Variants in TMPRSS11A observed in about 807,000 individuals in gnomAD.
TMPRSS11A encodes transmembrane serine protease 11A.
TMPRSS11A carries 53 observed loss-of-function variants against 58.9 expected under a neutral mutation model. The observed-to-expected ratio is 0.90, with a 90% CI of 0.72 to 1.13. TMPRSS11A has a LOEUF of 1.13. TMPRSS11A is among the 50% of genes most tolerant of loss of function. TMPRSS11A has a pLI of 0.00. For synonymous variants in TMPRSS11A, 167 were observed against 169.8 expected (o/e 0.98, Z 0.13); for missense variants, 493 against 499.3 (o/e 0.99, Z 0.12).
intron 5 of TMPRSS11A, among the ~76,000 whole-genome samples, chr4:67,926,032 C>T (rs1001278666): frequency 6.6e-6 from 1 of 152,190 alleles, no homozygotes; most frequent in Non-Finnish European, 1.5e-5. Flanking sequence ...CCTCCTAACA[C>T]GGTTCTGAGT....
intron 3 of TMPRSS11A, 53 bp from the exon 4 acceptor site, chr4:67,932,113 A>G: frequency 9.8e-7 from 1 of 1,020,392 alleles, no homozygotes; most frequent in Non-Finnish European, 1.5e-6. Context: ...TTATAATAGG[A>G]ATATATCCTT....
intron 1 of TMPRSS11A, among the ~76,000 whole-genome samples, chr4:67,954,247 G>C (rs1484816545): frequency 1.3e-5 from 2 of 152,226 alleles, no homozygotes; most frequent in Non-Finnish European, 2.9e-5. Flanking sequence ...AGGAGATTGA[G>C]GCTGAAGGGG....
chr4:67,954,849 A>G (rs903709852), intron 1 of TMPRSS11A, among the ~76,000 whole-genome samples: 2 of 152,184 alleles, frequency 1.3e-5, no homozygotes, highest in African/African-American at 4.8e-5. Flanking sequence ...CCATTTGTAA[A>G]ATGCAAATAA....
At chr4:67,919,737 T>C (rs1325655308) in intron 7 of TMPRSS11A, among the ~76,000 whole-genome samples, 3 of 152,114 alleles carry the variant, frequency 2.0e-5, no homozygotes, top group African/African-American at 7.2e-5. Context: ...TGATAACGCA[T>C]TTGGGCTAAG....
chr4:67,920,913 G>T (rs1720308564), intron 7 of TMPRSS11A, among the ~76,000 whole-genome samples: 1 of 152,096 alleles, frequency 6.6e-6, no homozygotes, highest in Admixed American at 6.6e-5. Flanking sequence ...CCCTTTGCAG[G>T]GACATGGATA....
rs1719922358 is a variant in TMPRSS11A, at chr4:67,909,888, G to T, written c.*1454C>A. ...TCTATGAGTCTAAATTATGAATCAA[G>T]TGTTTTATGAGTGAACTGCATATCT... On this transcript the variant is annotated 3_prime_UTR_variant, in exon 10 of 10. Transcript: ENST00000508048. 6.6e-6 allele frequency: 1 copy of T among 152,042 alleles called. No individual in the cohort carries two copies. Among genetic ancestry groups the T allele is most frequent in the South Asian group, 2.1e-4 (1 of 4,830 alleles). The allele number at this position is 152,042 out of a possible 1,614,324, so 9.4% of individuals were successfully genotyped here.
chr4:67,922,970 A>G, intron 6 of TMPRSS11A, 44 bp from the exon 7 acceptor site: 1 of 1,593,790 alleles, frequency 6.3e-7, no homozygotes, highest in Non-Finnish European at 8.6e-7. Context: ...ACATCTTGTA[A>G]TTACAGGAAA....
chr4:67,910,789 A>G lies in TMPRSS11A; in HGVS notation c.*553T>C, dbSNP rs1322478341. The G allele has an allele frequency of 6.6e-6, 1 of 152,096 alleles. No homozygotes were observed. Among genetic ancestry groups the G allele is most frequent in the East Asian group, 1.9e-4 (1 of 5,202 alleles). 9.4% of individuals were successfully genotyped at this position (152,096 alleles called of 1,614,324 possible). A position where few individuals can be genotyped will look rare whatever the true frequency, so the allele number is the denominator to read the frequency against. The stretch of plus-strand genomic sequence containing the variant: ...TAGAAGATCTCTGGCTTGTTTTACT[A>G]TCAGACTTTGTTTCCTACATATGAC... On this transcript the variant is annotated 3_prime_UTR_variant, in exon 10 of 10. Coordinates refer to ENST00000508048, the MANE Select transcript of TMPRSS11A (RefSeq NM_001114387.2).
chr4:67,927,397 G>A (rs1720501782), intron 5 of TMPRSS11A, among the ~76,000 whole-genome samples: 1 of 152,216 alleles, frequency 6.6e-6, no homozygotes, highest in Admixed American at 6.5e-5. Context: ...TGCTTGCAGT[G>A]AGCTTTGTCC....
At chr4:67,919,600 T>C (rs1208971389) in intron 7 of TMPRSS11A, among the ~76,000 whole-genome samples, 3 of 152,090 alleles carry the variant, frequency 2.0e-5, no homozygotes, top group African/African-American at 4.8e-5. Flanking sequence ...GAGTATAAGA[T>C]TCCAGAGAAG....
chr4:67,914,680 C>A lies in TMPRSS11A; in HGVS notation c.1003G>T (p.Asp335Tyr), dbSNP rs748931509. Residue 335 changes from aspartate (D) to tyrosine (Y), a missense_variant, in exon 9 of 10, where the codon GAT becomes TAT. By Grantham distance (160) the Asp-to-Tyr change is radical. Coordinates refer to ENST00000508048, the MANE Select transcript of TMPRSS11A (RefSeq NM_001114387.2). ...REARVKIISD[D>Y]VCKQPQVYGN... ...TACACCTGTGGTTGCTTGCAGACAT[C>A]ATCACTTATGATTTTCACTCTGGCT... 1.9e-6 allele frequency: 3 copies of A among 1,613,198 alleles called. No individual in the cohort carries two copies. In the Admixed American group the frequency reaches 5.0e-5, roughly 27 times the overall value.
intron 1 of TMPRSS11A, 149 bp from the exon 2 acceptor site, chr4:67,946,720 A>G: frequency 1.7e-6 from 1 of 580,252 alleles, no homozygotes; most frequent in Non-Finnish European, 2.6e-6. Flanking sequence ...GTCTGAGAAG[A>G]TGTGTTAAAA....
chr4:67,933,035 A>G (rs1005554571), intron 3 of TMPRSS11A, among the ~76,000 whole-genome samples: 1 of 151,990 alleles, frequency 6.6e-6, no homozygotes, highest in Non-Finnish European at 1.5e-5. Flanking sequence ...TGGACAGAAG[A>G]ACCAAATGTG....
At chr4:67,961,237 T>G (rs1394504501) in intron 1 of TMPRSS11A, among the ~76,000 whole-genome samples, 4 of 152,152 alleles carry the variant, frequency 2.6e-5, no homozygotes, top group South Asian at 4.1e-4. Context: ...ATGGCTAGCA[T>G]GACTGTAGAA....
intron 3 of TMPRSS11A, among the ~76,000 whole-genome samples, chr4:67,935,299 C>G (rs1412016063): frequency 1.3e-5 from 2 of 152,122 alleles, no homozygotes; most frequent in African/African-American, 4.8e-5. Context: ...CCTCATTTTC[C>G]TGCATACTCA....
intron 4 of TMPRSS11A, among the ~76,000 whole-genome samples, chr4:67,931,391 G>T (rs891156462): frequency 6.6e-6 from 1 of 151,940 alleles, no homozygotes; most frequent in African/African-American, 2.4e-5. Context: ...TCATGGATTT[G>T]TGTATATGAC....
At chr4:67,913,557 T>C (rs1003354932) in intron 9 of TMPRSS11A, among the ~76,000 whole-genome samples, 16 of 152,222 alleles carry the variant, frequency 1.1e-4, no homozygotes, top group Non-Finnish European at 5.9e-5. Context: ...CCTAAGGCTT[T>C]TCAGTAATGT....
At chr4:67,928,467 A>G (rs1006438533) in intron 5 of TMPRSS11A, among the ~76,000 whole-genome samples, 1 of 152,260 alleles carries the variant, frequency 6.6e-6, no homozygotes, top group Non-Finnish European at 1.5e-5. Context: ...CAGGCAGCCA[A>G]TGAACAATTT....
intron 5 of TMPRSS11A, among the ~76,000 whole-genome samples, chr4:67,928,244 C>T (rs1211041879): frequency 6.6e-6 from 1 of 152,100 alleles, no homozygotes; most frequent in Non-Finnish European, 1.5e-5. Context: ...CGGGGTTTCA[C>T]CATATTGGCC....
Sources: allele counts gnomAD v4.1 joint callset (sites outside exome capture counted in the v4.1 genomes callset), GRCh38; gene constraint gnomAD v4.1.1; transcripts MANE v1.5; gene names NCBI Gene and HGNC (gene_info 2026-07-23, HGNC 2026-07-21).